NPRL3: variants seen among roughly 807,000 people sequenced by gnomAD.
NPRL3 encodes the protein GATOR1 complex protein NPRL3.
In NPRL3, 23 loss-of-function variants were observed where a neutral mutation model predicts 57.2. That is an observed-to-expected ratio of 0.40 (90% confidence interval 0.29 to 0.57). The LOEUF (loss-of-function observed/expected upper bound fraction) is 0.57, where lower values mean the gene tolerates loss of function less well. NPRL3 is among the 20% of genes least tolerant of loss of function. The probability of loss-of-function intolerance (pLI) is 0.42; values close to 1 mark genes in which losing one functional copy is unlikely to be tolerated. For synonymous variants in NPRL3, 333 were observed against 321.1 expected (o/e 1.04, Z -0.39); for missense variants, 691 against 767.1 (o/e 0.90, Z 1.17).
rs992225807 is a variant in NPRL3 at position 89,878 on chromosome 16, ACAC to A, written c.1183_1185del (p.Val395del). On this transcript the variant is annotated inframe_deletion, in exon 12 of 14. Coordinates refer to ENST00000611875, the MANE Select transcript of NPRL3 (RefSeq NM_001077350.3). ...ATGAGAAGCCGGCGCTGCAGCATCC[ACAC>A]CACCATCTGGATGAGCTGGGTCTGC... 2.6e-6 allele frequency: 4 copies of A among 1,554,854 alleles called. No homozygotes were observed. The African/African-American group carries it at 4.1e-5, about 16-fold the overall frequency.
In NPRL3 at chr16:117,166, C is replaced by T. The variant is rs216096; in HGVS notation, c.393+135G>A. Reference sequence around the variant, plus strand: ...ACAAAAAGGGGTAAACAATGAAGTGCAGTCTGCCTGCACCCCAGGAGGGGC... The same window carrying T: ...ACAAAAAGGGGTAAACAATGAAGTGTAGTCTGCCTGCACCCCAGGAGGGGC... On this transcript the variant is annotated intron_variant, in intron 5 of 13. Transcript: ENST00000611875. 0.015 allele frequency: 9,326 copies of T among 611,372 alleles called. 646 individuals are homozygous for T. Among genetic ancestry groups the T allele is most frequent in the African/African-American group, 0.15 (8,084 of 53,736 alleles). The allele number at this position is 611,372 out of a possible 1,614,324, so 37.9% of individuals were successfully genotyped here.
At chr16:96,648 C>CAAAAAAAA (rs68086908) in intron 9 of NPRL3, among the ~76,000 whole-genome samples, 1 of 100,260 alleles carries the variant, frequency 1.0e-5, no homozygotes, top group African/African-American at 4.4e-5. Context: ...CCGTCTCTAC[C>CAAAAAAAA]AAAAAAAAAA....
At position 95,246 on chromosome 16, in the gene NPRL3, G is replaced by A. The variant is rs370667644; in HGVS notation, c.925-1921C>T. On this transcript the variant is annotated intron_variant, in intron 9 of 13. Transcript: ENST00000611875. ...GGGGATTAGGATGTGTATATCTGTGGGGGCCATTATTCAGCCAATCACAAC... is the reference window on the plus strand; with the variant it reads ...GGGGATTAGGATGTGTATATCTGTGAGGGCCATTATTCAGCCAATCACAAC... 4.3e-4 allele frequency among the ~76,000 whole-genome samples: 65 copies of A among 151,002 alleles called. 1 individual carries two copies. The South Asian group carries it at 0.013, about 30-fold the overall frequency.
At chr16:106,559 G>A (rs1173130100) in intron 7 of NPRL3, among the ~76,000 whole-genome samples, 2 of 149,246 alleles carry the variant, frequency 1.3e-5, no homozygotes, top group African/African-American at 4.9e-5. Flanking sequence ...ACCTGAGCCT[G>A]GGAGACAGAT....
intron 5 of NPRL3, among the ~76,000 whole-genome samples, chr16:114,858 G>T (rs761248729): frequency 6.6e-6 from 1 of 151,924 alleles, no homozygotes; most frequent in East Asian, 1.9e-4. Flanking sequence ...GAAATAGAGA[G>T]AGGGAAGGAA....
intron 7 of NPRL3, among the ~76,000 whole-genome samples, chr16:109,715 C>G (rs1243327485): frequency 1.3e-5 from 2 of 152,084 alleles, no homozygotes; most frequent in African/African-American, 4.8e-5. Flanking sequence ...GATGCCTCTT[C>G]CCCCGAGCTT....
chr16:89,782 C>CGTCGTCCTCTCGCGGACGGGG lies in NPRL3; in HGVS notation c.1261_1281dup (p.Pro421_Asp427dup), dbSNP rs2141902200. 4.4e-6 allele frequency: 7 copies of CGTCGTCCTCTCGCGGACGGGG among 1,601,426 alleles called. No individual in the cohort carries two copies. The highest frequency in any genetic ancestry group is 1.7e-5 in the Admixed American group (1 of 58,418). On this transcript the variant is annotated inframe_insertion, in exon 12 of 14. Transcript: ENST00000611875. ...CCGCCGACCCGGGCAGTGAAGGGGACGTCGTCCTCTCGCGGACGGGGCTCC... is the reference window on the plus strand; with the variant it reads ...CCGCCGACCCGGGCAGTGAAGGGGACGTCGTCCTCTCGCGGACGGGGGTCGTCCTCTCGCGGACGGGGCTCC...
intron 8 of NPRL3, among the ~76,000 whole-genome samples, chr16:98,525 C>T (rs751974368): frequency 6.6e-6 from 1 of 151,218 alleles, no homozygotes; most frequent in African/African-American, 2.4e-5. Context: ...GGTCCTGCAC[C>T]GGGTGTGCAT....
chr16:122,897 C>G (rs557291726), intron 3 of NPRL3, among the ~76,000 whole-genome samples: 1 of 152,346 alleles, frequency 6.6e-6, no homozygotes, highest in African/African-American at 2.4e-5. Context: ...CTCACAGACA[C>G]TGTGTGTACC....
intron 7 of NPRL3, among the ~76,000 whole-genome samples, chr16:108,259 A>T (rs1899619061): frequency 6.6e-6 from 1 of 152,202 alleles, no homozygotes; most frequent in South Asian, 2.1e-4. Flanking sequence ...GCTCACAGAA[A>T]AGACAGGTGG....
chr16:124,260 G>A (rs963796710), intron 3 of NPRL3, among the ~76,000 whole-genome samples: 3 of 152,328 alleles, frequency 2.0e-5, no homozygotes, highest in South Asian at 2.1e-4. Context: ...TTTTTCAGAA[G>A]TAAGCACAAG....
intron 3 of NPRL3, among the ~76,000 whole-genome samples, chr16:119,574 G>A (rs1026338335): frequency 3.9e-5 from 6 of 152,204 alleles, no homozygotes; most frequent in Non-Finnish European, 8.8e-5. Context: ...AGCTGGAGCC[G>A]GCACTGCCCT....
In NPRL3 at chr16:129,315, T is replaced by C. The variant is rs115526435; in HGVS notation, c.188+1207A>G. On this transcript the variant is annotated intron_variant, in intron 3 of 13. Transcript: ENST00000611875. ...ACCCACTGTGCAGGGGCAAAAGCATTCTATATGCCTGTGACAAACCAGAGT... is the reference window on the plus strand; with the variant it reads ...ACCCACTGTGCAGGGGCAAAAGCATCCTATATGCCTGTGACAAACCAGAGT... Among the ~76,000 whole-genome samples the C allele has an allele frequency of 2.7e-3, 404 of 152,192 alleles. 2 individuals carry two copies. The highest frequency in any genetic ancestry group is 9.2e-3 in the African/African-American group (383 of 41,522).
rs558200249 is a variant in NPRL3, at chr16:86,867, G to A, written c.1548C>T (p.Leu516=). ...GGTGGCGGCCGCGGAAGTAGTGAAG[G>A]AGCCTGGAAGGGATGGGTGGGTGTG... ...NPEDLRMFAR[L]LHYFRGRHHL... The change falls in exon 14 of 14, where the codon CTC becomes CTT. Residue 516 remains leucine (L), a synonymous_variant. Coordinates refer to ENST00000611875, the MANE Select transcript of NPRL3 (RefSeq NM_001077350.3). 5.0e-6 allele frequency: 8 copies of A among 1,612,542 alleles called. No homozygotes were observed. In the South Asian group the frequency reaches 7.7e-5, roughly 16 times the overall value.
At chr16:100,970 C>CAAAAAA (rs59640237) in intron 7 of NPRL3, among the ~76,000 whole-genome samples, 409 of 36,102 alleles carry the variant, frequency 0.011, 67 homozygotes, top group African/African-American at 0.048. Context: ...GACTCTGTCT[C>CAAAAAA]AAAAAAAAAA....
intron 5 of NPRL3, among the ~76,000 whole-genome samples, chr16:115,147 G>C (rs2141953865): frequency 6.6e-6 from 1 of 151,720 alleles, no homozygotes; most frequent in East Asian, 1.9e-4. Context: ...GCTAATTTTT[G>C]TATTTTTTGT....
intron 3 of NPRL3, among the ~76,000 whole-genome samples, chr16:120,512 T>C (rs947309939): frequency 2.6e-5 from 4 of 152,338 alleles, no homozygotes; most frequent in Non-Finnish European, 4.4e-5. Flanking sequence ...AAGTCTATCA[T>C]GGGCTGTGGG....
chr16:130,156 C>A (rs758069982), intron 3 of NPRL3, among the ~76,000 whole-genome samples: 3 of 152,280 alleles, frequency 2.0e-5, no homozygotes, highest in Non-Finnish European at 4.4e-5. Context: ...ACCCAAGCAC[C>A]TGCATTTGAC....
chr16:103,430 C>T (rs748177233), intron 7 of NPRL3, among the ~76,000 whole-genome samples: 1 of 150,620 alleles, frequency 6.6e-6, no homozygotes, highest in Non-Finnish European at 1.5e-5. Context: ...CGTGAGCCAC[C>T]GCACCCACCC....
Sources: gnomAD v4.1 joint callset for allele counts (sites outside exome capture counted in the v4.1 genomes callset) on GRCh38, gnomAD v4.1.1 for gene constraint, MANE v1.5 for transcripts, NCBI Gene and HGNC (gene_info 2026-07-23, HGNC 2026-07-21) for gene names.